The following IQSEC2 variants were observed in gnomAD, a reference collection of about 807,000 sequenced individuals.
IQSEC2 encodes IQ motif and SEC7 domain-containing protein 2.
IQSEC2 carries 6 observed loss-of-function variants against 74.6 expected under a neutral mutation model. The observed-to-expected ratio is 0.08, with a 90% CI of 0.04 to 0.16. The LOEUF is 0.16. Ranked by LOEUF, IQSEC2 falls within the 10% of genes least tolerant of loss-of-function variation. The pLI is 1.00. For synonymous variants in IQSEC2, 494 were observed against 544.5 expected (o/e 0.91, Z 1.29); for missense variants, 734 against 1,306.2 (o/e 0.56, Z 6.75).
chrX:53,279,601 T>G, intron 2 of IQSEC2: 1 of 1,203,966 alleles, frequency 8.3e-7, no homozygotes, highest in Non-Finnish European at 1.1e-6. Flanking sequence ...GTAAGCTTCA[T>G]GGAGTCAAGG....
In IQSEC2 at chrX:53,233,166, C is replaced by T. The variant is rs2074075153; in HGVS notation, c.*1053G>A. On this transcript the variant is annotated 3_prime_UTR_variant, in exon 15 of 15. Transcript: ENST00000642864. Reference sequence around the variant, plus strand: ...AAAAAATATATTTATAATAAATAAACAGGGCTGCAAAAGGGCTGGAGAGGC... The same window carrying T: ...AAAAAATATATTTATAATAAATAAATAGGGCTGCAAAAGGGCTGGAGAGGC... 1 of 111,972 alleles carries T rather than the reference C, an allele frequency of 8.9e-6. No individual in the cohort carries two copies. Among genetic ancestry groups the T allele is most frequent in the Non-Finnish European group, 1.9e-5 (1 of 53,073 alleles). The allele number at this position is 111,972 out of a possible 1,213,427, so 9.2% of individuals were successfully genotyped here.
intron 1 of IQSEC2, among the ~76,000 whole-genome samples, chrX:53,317,431 C>G (rs1016833333): frequency 3.6e-5 from 4 of 111,504 alleles, no homozygotes; most frequent in Non-Finnish European, 7.5e-5. Context: ...CAGCTGATGT[C>G]CAATGCAGTA....
intron 2 of IQSEC2, among the ~76,000 whole-genome samples, chrX:53,265,412 C>T (rs2074639236): frequency 9.0e-6 from 1 of 111,260 alleles, no homozygotes; most frequent in South Asian, 3.8e-4. Context: ...GCACAAGCTC[C>T]TATGCTGGGC....
chrX:53,234,256 G>C lies in IQSEC2; in HGVS notation c.4430C>G (p.Pro1477Arg). The C allele has an allele frequency of 9.2e-7, 1 of 1,089,598 alleles. No homozygotes were observed. The highest frequency in any genetic ancestry group is 1.2e-6 in the Non-Finnish European group (1 of 831,690). The allele number at this position is 1,089,598 out of a possible 1,213,427, so 89.8% of individuals were successfully genotyped here. ...PGTANPPSAN[P>R]KAKPSRISTV... ...GCTGATCCGGCTTGGCTTGGCCTTGGGGTTTGCACTGGGGGGGTTGGCTGT... is the reference window on the plus strand; with the variant it reads ...GCTGATCCGGCTTGGCTTGGCCTTGCGGTTTGCACTGGGGGGGTTGGCTGT... The change falls in exon 15 of 15, where the codon CCC becomes CGC. Residue 1477 changes from proline (P) to arginine (R), a missense_variant. By Grantham distance (103) the Pro-to-Arg change is moderately radical (BLOSUM62 -2). Coordinates refer to ENST00000642864, the MANE Select transcript of IQSEC2 (RefSeq NM_001111125.3).
chrX:53,266,557 A>C, intron 2 of IQSEC2: 1 of 762,952 alleles, frequency 1.3e-6, no homozygotes, highest in Non-Finnish European at 1.5e-6. Flanking sequence ...AGCCCTAGGC[A>C]CCCTGCATCT....
At position 53,291,814 on chromosome X, in the gene IQSEC2, A is replaced by T. The variant is rs2075103069; in HGVS notation, c.737+81T>A. ...AGTTGGCCCCTCCCCTTGCCCATGGATCCTGCAGTTACAAACCAGAGGCCC... is the reference window on the plus strand; with the variant it reads ...AGTTGGCCCCTCCCCTTGCCCATGGTTCCTGCAGTTACAAACCAGAGGCCC... On this transcript the variant is annotated intron_variant, in intron 2 of 14. Coordinates refer to ENST00000642864, the MANE Select transcript of IQSEC2 (RefSeq NM_001111125.3). 13 of 918,539 alleles carry T rather than the reference A, an allele frequency of 1.4e-5. No individual in the cohort carries two copies. The South Asian group carries it at 3.2e-4, about 22-fold the overall frequency. 75.7% of individuals were successfully genotyped at this position (918,539 alleles called of 1,213,427 possible).
rs782439813 is a variant in IQSEC2 at position 53,320,528 on chromosome X, G to A, written c.596C>T (p.Pro199Leu). ...ACGGCTCAGCTGGCCCCGCTCCCGCGGTGGCCGCGGCCCCACGCCCACCGC... is the reference window on the plus strand; with the variant it reads ...ACGGCTCAGCTGGCCCCGCTCCCGCAGTGGCCGCGGCCCCACGCCCACCGC... ...SAAVGVGPRP[P>L]RERGQLSRGA... The change falls in exon 1 of 15, where the codon CCG (proline) becomes CTG (leucine). Residue 199 changes from proline to leucine, a missense_variant. Pro to Leu is a moderately conservative substitution (Grantham distance 98). Around this residue, in one of 12 missense-constraint regions of IQSEC2, gnomAD observed 134 missense variants for 214.9 expected, o/e 0.62. Coordinates refer to ENST00000642864, the MANE Select transcript of IQSEC2 (RefSeq NM_001111125.3). 1.1e-4 allele frequency: 128 copies of A among 1,155,970 alleles called. No homozygotes were observed. Among genetic ancestry groups the A allele is most frequent in the Non-Finnish European group, 1.4e-4 (122 of 868,525 alleles).
intron 1 of IQSEC2, among the ~76,000 whole-genome samples, chrX:53,311,505 GCCT>G (rs1315418132): frequency 9.0e-6 from 1 of 111,310 alleles, no homozygotes; most frequent in Non-Finnish European, 1.9e-5. Flanking sequence ...TGCTGTACCA[GCCT>G]CCTCCCTGGA....
chrX:53,254,330 C>CAAA (rs57468463), intron 4 of IQSEC2, among the ~76,000 whole-genome samples, 200 bp downstream of exon 4: 1 of 69,163 alleles, frequency 1.4e-5, no homozygotes, highest in African/African-American at 6.0e-5. Context: ...AACTCCGTCT[C>CAAA]AAAAAAAAAA....
chrX:53,271,488 C>T (rs782073718), intron 2 of IQSEC2, among the ~76,000 whole-genome samples: 12 of 111,669 alleles, frequency 1.1e-4, no homozygotes, highest in African/African-American at 3.9e-4. Context: ...GACTCATCCT[C>T]GCCTCTTCCC....
intron 1 of IQSEC2, among the ~76,000 whole-genome samples, chrX:53,293,840 T>C (rs1161145558): frequency 8.9e-6 from 1 of 112,396 alleles, no homozygotes; most frequent in African/African-American, 3.2e-5. Context: ...GTACCTACTA[T>C]GTACCAGGCA....
At chrX:53,264,097 C>T (rs1192360179) in intron 2 of IQSEC2, among the ~76,000 whole-genome samples, 1 of 112,422 alleles carries the variant, frequency 8.9e-6, no homozygotes, top group Non-Finnish European at 1.9e-5. Flanking sequence ...TGATTACATC[C>T]ACCAGACACA....
chrX:53,277,842 T>C (rs1233572358), intron 2 of IQSEC2, among the ~76,000 whole-genome samples: 2 of 109,014 alleles, frequency 1.8e-5, no homozygotes, highest in East Asian at 5.7e-4. Flanking sequence ...GGCTAATTTC[T>C]GTATTTTTAG....
At chrX:53,304,780 C>G (rs1302345322) in intron 1 of IQSEC2, among the ~76,000 whole-genome samples, 1 of 111,464 alleles carries the variant, frequency 9.0e-6, no homozygotes, top group Non-Finnish European at 1.9e-5. Context: ...AATACCTTCC[C>G]TAACCTCATG....
In IQSEC2 at chrX:53,250,751, G is replaced by A. The variant is rs1085307736; in HGVS notation, c.1825C>T (p.Arg609Cys). 8.3e-7 allele frequency: 1 copy of A among 1,210,781 alleles called. No homozygotes were observed. Among genetic ancestry groups the A allele is most frequent in the Non-Finnish European group, 1.1e-6 (1 of 894,947 alleles). The change falls in exon 5 of 15, where the codon CGC becomes TGC. Residue 609 changes from arginine to cysteine, a missense_variant. Around this residue, in one of 12 missense-constraint regions of IQSEC2, gnomAD observed 204 missense variants for 305.4 expected, o/e 0.67. Coordinates refer to ENST00000642864, the MANE Select transcript of IQSEC2 (RefSeq NM_001111125.3). ...CGGTGGACAGAGCCGCGATCTGAGCGGTCACTCAGGTCCACGGAGCTGTCA... is the reference window on the plus strand; with the variant it reads ...CGGTGGACAGAGCCGCGATCTGAGCAGTCACTCAGGTCCACGGAGCTGTCA... ...PSDSSVDLSD[R>C]SDRGSVHRQL...
intron 6 of IQSEC2, 72 bp from the exon 7 acceptor site, chrX:53,248,308 T>G: frequency 8.7e-7 from 1 of 1,148,438 alleles, no homozygotes; most frequent in Non-Finnish European, 1.2e-6. Flanking sequence ...CTGGACCTGC[T>G]CAAATGGACC....
intron 1 of IQSEC2, among the ~76,000 whole-genome samples, chrX:53,292,614 G>A (rs1360223099): frequency 8.9e-6 from 1 of 111,852 alleles, no homozygotes; most frequent in Non-Finnish European, 1.9e-5. Flanking sequence ...CGTTTTCATT[G>A]TGAGGCCTCT....
At chrX:53,256,092 G>A in intron 2 of IQSEC2, 31 bp from the exon 3 acceptor site, 4 of 1,142,891 alleles carry the variant, frequency 3.5e-6, no homozygotes, top group South Asian at 2.1e-5. Flanking sequence ...GAGCCAGGAT[G>A]TGGGGACAGG....
At chrX:53,277,694 G>T (rs2074857409) in intron 2 of IQSEC2, among the ~76,000 whole-genome samples, 1 of 111,168 alleles carries the variant, frequency 9.0e-6, no homozygotes, top group South Asian at 3.7e-4. Flanking sequence ...ATTTTGAGAC[G>T]GAGTCTTGCT....
Sources: gnomAD v4.1 joint callset for allele counts (sites outside exome capture counted in the v4.1 genomes callset) on GRCh38, gnomAD v4.1.1 for gene constraint, gnomAD v4.1.1 regional missense constraint, MANE v1.5 for transcripts, NCBI Gene and HGNC (gene_info 2026-07-23, HGNC 2026-07-21) for gene names.